EPHB1: variants seen among roughly 807,000 people sequenced by gnomAD.
EPHB1 encodes EPH receptor B1.
A neutral mutation model predicts 94.4 loss-of-function variants in EPHB1; 30 were observed. The observed-to-expected ratio is 0.32, with a 90% CI of 0.24 to 0.43. EPHB1 has a LOEUF of 0.43. EPHB1 is among the 20% of genes least tolerant of loss of function. The pLI, the probability that EPHB1 is intolerant of heterozygous loss-of-function variation, is 1.00. For missense variants in EPHB1, 1,055 were observed against 1,308.3 expected, an observed-to-expected ratio of 0.81 and a Z score of 2.99; for synonymous variants, 522 against 489.1, an observed-to-expected ratio of 1.07 and a Z score of -0.89.
chr3:134,892,611 G>A (rs887308154), intron 1 of EPHB1, among the ~76,000 whole-genome samples: 9 of 152,162 alleles, frequency 5.9e-5, no homozygotes, highest in African/African-American at 2.2e-4. Flanking sequence ...TAAGTTAGGG[G>A]TTTCCAGAAA....
At chr3:134,966,160 G>A (rs1933736752) in intron 3 of EPHB1, among the ~76,000 whole-genome samples, 1 of 152,170 alleles carries the variant, frequency 6.6e-6, no homozygotes, top group Admixed American at 6.5e-5. Flanking sequence ...CCTTCTCTCT[G>A]TCTTTGAATG....
chr3:135,178,185 G>A (rs1428706644), intron 9 of EPHB1, among the ~76,000 whole-genome samples: 1 of 147,044 alleles, frequency 6.8e-6, no homozygotes, highest in Non-Finnish European at 1.5e-5. Context: ...CAGGCGTGGT[G>A]ACTCACACCT....
intron 1 of EPHB1, among the ~76,000 whole-genome samples, chr3:134,852,874 G>C (rs920383646): frequency 4.6e-5 from 7 of 152,298 alleles, no homozygotes. Flanking sequence ...GGACCAGGTT[G>C]GGGTATCTGA....
At chr3:134,858,570 G>A (rs886435803) in intron 1 of EPHB1, among the ~76,000 whole-genome samples, 7 of 152,164 alleles carry the variant, frequency 4.6e-5, no homozygotes, top group African/African-American at 9.7e-5. Context: ...CAGCCCCAAC[G>A]TAAATTAAGG....
chr3:135,053,572 A>G (rs566422911), intron 3 of EPHB1, among the ~76,000 whole-genome samples: 9 of 152,194 alleles, frequency 5.9e-5, no homozygotes, highest in Non-Finnish European at 1.3e-4. Context: ...GCATATCAAT[A>G]GTTGTTTGAT....
intron 3 of EPHB1, among the ~76,000 whole-genome samples, chr3:134,994,706 A>C (rs1303789089): frequency 6.6e-6 from 1 of 152,186 alleles, no homozygotes; most frequent in Non-Finnish European, 1.5e-5. Flanking sequence ...CTTCAGGCAC[A>C]TGCCACAGTG....
chr3:134,912,513 C>T (rs1342514927), intron 1 of EPHB1, among the ~76,000 whole-genome samples: 1 of 152,240 alleles, frequency 6.6e-6, no homozygotes, highest in Non-Finnish European at 1.5e-5. Context: ...CTGTGTGGTT[C>T]TTTCCTTTCC....
intron 13 of EPHB1, among the ~76,000 whole-genome samples, chr3:135,243,935 G>C (rs1306512608): frequency 6.6e-6 from 1 of 152,122 alleles, no homozygotes; most frequent in African/African-American, 2.4e-5. Flanking sequence ...CTCTGCCCTG[G>C]TTTCTCCACT....
In EPHB1 at chr3:135,052,891, AT is replaced by A. The variant is rs1436903015; in HGVS notation, c.806-53556del. ...AAAAAAAAAAAAAAAAAAAAAAAAA[AT>A]ATATATATATATATATATGTGTGTG... On this transcript the variant is annotated intron_variant, in intron 3 of 15. Transcript: ENST00000398015. Among the ~76,000 whole-genome samples, 182 of 64,806 alleles carry A rather than the reference AT, an allele frequency of 2.8e-3. 11 individuals are homozygous for A. The highest frequency in any genetic ancestry group is 0.022 in the African/African-American group (157 of 7,132). 42.5% of individuals were successfully genotyped at this position (64,806 alleles called of 152,430 possible).
intron 3 of EPHB1, among the ~76,000 whole-genome samples, chr3:134,953,400 GGAA>G (rs745646646): frequency 3.9e-5 from 6 of 152,222 alleles, no homozygotes; most frequent in Admixed American, 6.5e-5. Context: ...CGGATTGTGT[GGAA>G]ACAAAGGAGA....
chr3:135,241,442 A>G, intron 13 of EPHB1, 145 bp downstream of exon 13: 2 of 1,039,378 alleles, frequency 1.9e-6, no homozygotes, highest in South Asian at 3.0e-5. Flanking sequence ...GGACACCCTT[A>G]GCATGGATGT....
At chr3:134,948,773 C>T (rs917613920) in intron 2 of EPHB1, among the ~76,000 whole-genome samples, 5 of 152,254 alleles carry the variant, frequency 3.3e-5, no homozygotes, top group African/African-American at 9.6e-5. Context: ...CTGCAGCCCC[C>T]TCAGGGCTCA....
At chr3:134,934,114 A>G (rs956531167) in intron 2 of EPHB1, among the ~76,000 whole-genome samples, 2 of 152,076 alleles carry the variant, frequency 1.3e-5, no homozygotes, top group Non-Finnish European at 2.9e-5. Context: ...GCCTGTAATT[A>G]GGAAACATTA....
chr3:134,983,057 A>G (rs1271732898), intron 3 of EPHB1, among the ~76,000 whole-genome samples: 2 of 152,184 alleles, frequency 1.3e-5, no homozygotes, highest in Non-Finnish European at 2.9e-5. Context: ...ACTGTGTCCT[A>G]TATATCGATA....
intron 1 of EPHB1, among the ~76,000 whole-genome samples, chr3:134,814,861 C>T (rs558059717): frequency 1.3e-5 from 2 of 152,306 alleles, no homozygotes; most frequent in South Asian, 2.1e-4. Context: ...TGTCACCACT[C>T]GGTGTGTGGC....
intron 3 of EPHB1, among the ~76,000 whole-genome samples, chr3:135,053,451 A>G (rs1360578001): frequency 6.6e-6 from 1 of 152,170 alleles, no homozygotes; most frequent in Non-Finnish European, 1.5e-5. Flanking sequence ...TTAAGGTGAG[A>G]TTTTTAATGT....
intron 4 of EPHB1, 149 bp downstream of exon 4, chr3:135,106,752 T>C: frequency 1.0e-6 from 1 of 993,094 alleles, no homozygotes; most frequent in Non-Finnish European, 1.5e-6. Context: ...ACAACTCCTA[T>C]GCTCGGAGTT....
chr3:134,812,468 G>A (rs546057307), intron 1 of EPHB1, among the ~76,000 whole-genome samples: 1 of 152,304 alleles, frequency 6.6e-6, no homozygotes, highest in East Asian at 1.9e-4. Context: ...TTGCTGAGTA[G>A]CATTCCATTG....
intron 9 of EPHB1, 90 bp downstream of exon 9, chr3:135,167,096 G>T: frequency 2.0e-6 from 3 of 1,483,664 alleles, no homozygotes; most frequent in Non-Finnish European, 1.9e-6. Context: ...TAGCCAGACT[G>T]GCTGGTCCCA....
Sources: allele counts gnomAD v4.1 joint callset (sites outside exome capture counted in the v4.1 genomes callset), GRCh38; gene constraint gnomAD v4.1.1; transcripts MANE v1.5; gene names NCBI Gene and HGNC (gene_info 2026-07-23, HGNC 2026-07-21).